ZNF469: variants seen among roughly 807,000 people sequenced by gnomAD.
ZNF469 encodes zinc finger protein 469.
ZNF469 carries 1 observed loss-of-function variant against 1.0 expected under a neutral mutation model. The ratio of observed to expected loss-of-function variants is 1.00; its 90% confidence interval spans 0.35 to 4.73. ZNF469 has a LOEUF of 4.73. ZNF469 is among the 30% of genes most tolerant of loss of function. ZNF469 has a pLI of 0.16. For synonymous variants in ZNF469, 2,703 were observed against 2,363.4 expected (o/e 1.14, Z -4.17); for missense variants, 6,100 against 5,356.3 (o/e 1.14, Z -4.33).
the ZNF469 span, among the ~76,000 whole-genome samples, chr16:88,331,184 C>T: frequency 4.0e-5 from 6 of 150,554 alleles, no homozygotes; most frequent in African/African-American, 9.8e-5. Context: ...CCATCACCAC[C>T]GTCGTCACCA....
Position 88,436,871 on chromosome 16 carries a change from A to G in ZNF469, c.9401A>G (p.Lys3134Arg). The part of the protein sequence containing the change: ...FRSLGELDLH[K>R]LAHTPAPPPT... ...AGCCTGGGCGAGCTGGACCTGCACA[A>G]GCTGGCCCACACGCCCGCGCCGCCG... is the stretch of plus-strand genomic sequence containing the variant. Residue 3134 changes from lysine to arginine, a missense_variant, in exon 3 of 3, where the codon AAG becomes AGG. By Grantham distance (26) the Lys-to-Arg change is conservative. Coordinates refer to ENST00000565624, the MANE Select transcript of ZNF469 (RefSeq NM_001367624.2). 3.9e-6 allele frequency: 6 copies of G among 1,519,062 alleles called. No individual in the cohort carries two copies. Among genetic ancestry groups the G allele is most frequent in the Non-Finnish European group, 5.3e-6 (6 of 1,135,570 alleles). 94.1% of individuals were successfully genotyped at this position (1,519,062 alleles called of 1,614,324 possible). A position where few individuals can be genotyped will look rare whatever the true frequency, so the allele number is the denominator to read the frequency against.
chr16:88,353,276 G>C, the ZNF469 span, among the ~76,000 whole-genome samples: 1 of 152,148 alleles, frequency 6.6e-6, no homozygotes, highest in Non-Finnish European at 1.5e-5. Flanking sequence ...AGGGACCCTG[G>C]CTCTTTAAAA....
chr16:88,331,414 C>G, the ZNF469 span, among the ~76,000 whole-genome samples: 2 of 151,828 alleles, frequency 1.3e-5, no homozygotes, highest in Non-Finnish European at 1.5e-5. Context: ...TCATCACCAT[C>G]ACCACCACCA....
chr16:88,119,763 A>T, the ZNF469 span, among the ~76,000 whole-genome samples: 6 of 152,252 alleles, frequency 3.9e-5, no homozygotes, highest in African/African-American at 1.4e-4. Context: ...TCAACGGCAG[A>T]CTGATAAGGT....
At chr16:88,340,370 A>C in the ZNF469 span, among the ~76,000 whole-genome samples, 137 of 152,342 alleles carry the variant, frequency 9.0e-4, 1 homozygote, top group African/African-American at 3.2e-3. Flanking sequence ...GCCAGTTATC[A>C]TAAGCCAGAT....
intron 1 of ZNF469, among the ~76,000 whole-genome samples, chr16:88,402,312 G>A (rs964055257): frequency 1.3e-5 from 2 of 152,150 alleles, no homozygotes; most frequent in African/African-American, 4.8e-5. Context: ...GTCCCATCTA[G>A]TGCAGGAAGC....
the ZNF469 span, among the ~76,000 whole-genome samples, chr16:88,147,445 AC>A: frequency 6.6e-6 from 1 of 152,098 alleles, no homozygotes; most frequent in African/African-American, 2.4e-5. Context: ...GGTGGGGAGC[AC>A]CGACTGGGGT....
Position 88,428,301 on chromosome 16 carries a change from C to A in ZNF469, c.831C>A (p.Phe277Leu), listed in dbSNP as rs1173603100. ...SPRGVSFQFP[F>L]PALHGASTKP... ...GGGGAGTTTCCTTCCAGTTCCCCTT[C>A]CCGGCACTGCATGGGGCCAGCACAA... is the stretch of plus-strand genomic sequence containing the variant. The change falls in exon 3 of 3, where the codon TTC becomes TTA. Residue 277 changes from phenylalanine to leucine, a missense_variant. Physicochemically the swap from Phe to Leu is conservative, Grantham distance 22. Coordinates refer to ENST00000565624, the MANE Select transcript of ZNF469 (RefSeq NM_001367624.2). 1 of 1,550,354 alleles carries A rather than the reference C, an allele frequency of 6.5e-7. No individual in the cohort carries two copies. Among genetic ancestry groups the A allele is most frequent in the Non-Finnish European group, 8.7e-7 (1 of 1,146,942 alleles).
Position 88,427,839 on chromosome 16 carries a change from C to T in ZNF469, c.369C>T (p.Gly123=), listed in dbSNP as rs1167332457. The T allele has an allele frequency of 8.4e-6, 13 of 1,549,110 alleles. No individual in the cohort carries two copies. Among genetic ancestry groups the T allele is most frequent in the African/African-American group, 1.4e-5 (1 of 73,126 alleles). ...GCCCCCCACAGCGCTACATTCTGGGCATCGCCAGCTCGAGGACCAAGCCCA... is the reference window on the plus strand; with the variant it reads ...GCCCCCCACAGCGCTACATTCTGGGTATCGCCAGCTCGAGGACCAAGCCCA... ...EGSPPQRYIL[G]IASSRTKPTL... Residue 123 remains glycine, a synonymous_variant, in exon 3 of 3, where the codon GGC becomes GGT. Transcript: ENST00000565624.
the ZNF469 span, among the ~76,000 whole-genome samples, chr16:88,163,612 A>AGATGGATG: frequency 1.0e-4 from 13 of 129,752 alleles, no homozygotes; most frequent in Admixed American, 3.0e-4. Flanking sequence ...GTGCATTGGT[A>AGATGGATG]GATGGATGGA....
the ZNF469 span, among the ~76,000 whole-genome samples, chr16:88,210,871 C>T: frequency 6.6e-6 from 1 of 152,254 alleles, no homozygotes; most frequent in African/African-American, 2.4e-5. Context: ...CTCCACCCCC[C>T]ACCAGCCCCC....
chr16:88,224,624 G>A, the ZNF469 span, among the ~76,000 whole-genome samples: 1 of 152,222 alleles, frequency 6.6e-6, no homozygotes, highest in Non-Finnish European at 1.5e-5. Flanking sequence ...GCAGCAGGAG[G>A]GCGTCTGGGC....
intron 1 of ZNF469, among the ~76,000 whole-genome samples, chr16:88,395,287 GTGGATGGATTGA>G (rs1567499725): frequency 7.9e-6 from 1 of 126,032 alleles, no homozygotes; most frequent in African/African-American, 3.0e-5. Flanking sequence ...GGATGGATGG[GTGGATGGATTGA>G]TGGGTTGGGT....
chr16:88,160,127 A>G, the ZNF469 span, among the ~76,000 whole-genome samples: 1 of 152,198 alleles, frequency 6.6e-6, no homozygotes, highest in Admixed American at 6.5e-5. Context: ...AACCCACCGA[A>G]GGGTGCTGAC....
the ZNF469 span, among the ~76,000 whole-genome samples, chr16:88,196,897 C>A: frequency 0.41 from 61,595 of 152,006 alleles, 13,815 homozygotes; most frequent in South Asian, 0.55. Context: ...CTCTTTGGGG[C>A]ATGAGGAGCG....
the ZNF469 span, among the ~76,000 whole-genome samples, chr16:88,317,045 A>G: frequency 2.0e-5 from 3 of 152,308 alleles, no homozygotes; most frequent in African/African-American, 7.2e-5. Context: ...AATAAACTGT[A>G]GATGGTGGGG....
rs1325027207 is a variant in ZNF469 at position 88,436,598 on chromosome 16, C to T, written c.9128C>T (p.Ala3043Val). 2 of 1,550,236 alleles carry T rather than the reference C, an allele frequency of 1.3e-6. No homozygotes were observed. Among genetic ancestry groups the T allele is most frequent in the Non-Finnish European group, 1.7e-6 (2 of 1,146,970 alleles). ...PGNTHLLPLR[A>V]TDFEVLSTKF... is the part of the protein sequence containing the mutation. ...AACACCCACCTGCTGCCGCTCCGTGCCACGGACTTTGAGGTGCTCAGCACC... is the reference window on the plus strand; with the variant it reads ...AACACCCACCTGCTGCCGCTCCGTGTCACGGACTTTGAGGTGCTCAGCACC... Residue 3043 changes from alanine to valine, a missense_variant, in exon 3 of 3, where the codon GCC becomes GTC. Physicochemically the swap from Ala to Val is moderately conservative, Grantham distance 64. Coordinates refer to ENST00000565624, the MANE Select transcript of ZNF469 (RefSeq NM_001367624.2).
At position 88,435,956 on chromosome 16, in the gene ZNF469, G is replaced by A. The variant is rs1444171486; in HGVS notation, c.8486G>A (p.Gly2829Asp). ...QGLPDNPDTQ[G>D]GVQGPEGPTP... The stretch of plus-strand genomic sequence containing the variant: ...CTCCCGGACAACCCAGACACCCAGG[G>A]TGGAGTCCAGGGGCCTGAAGGCCCC... Residue 2829 changes from glycine to aspartate, a missense_variant, in exon 3 of 3, where the codon GGT becomes GAT. Gly to Asp is a moderately conservative substitution (Grantham distance 94). Coordinates refer to ENST00000565624, the MANE Select transcript of ZNF469 (RefSeq NM_001367624.2). 2 of 1,549,960 alleles carry A rather than the reference G, an allele frequency of 1.3e-6. No homozygotes were observed. The highest frequency in any genetic ancestry group is 2.7e-5 in the African/African-American group (2 of 73,070).
chr16:88,422,212 G>A (rs1487542829), intron 1 of ZNF469, among the ~76,000 whole-genome samples: 5 of 148,570 alleles, frequency 3.4e-5, no homozygotes, highest in Admixed American at 2.7e-4. Context: ...GGATGCATGG[G>A]TGAGTGGGTG....
Sources: allele counts gnomAD v4.1 joint callset (sites outside exome capture counted in the v4.1 genomes callset), GRCh38; gene constraint gnomAD v4.1.1; transcripts MANE v1.5; gene names NCBI Gene and HGNC (gene_info 2026-07-23, HGNC 2026-07-21).